The following NIPSNAP2 variants were observed in gnomAD, a reference collection of about 807,000 sequenced individuals.
The protein encoded by NIPSNAP2 is nipsnap homolog 2, also known as protein NipSnap homolog 2.
Under a neutral mutation model 48.4 loss-of-function variants are expected in NIPSNAP2, and 42 were observed. The observed-to-expected ratio is 0.87, with a 90% confidence interval of 0.68 to 1.12. The LOEUF (loss-of-function observed/expected upper bound fraction) is 1.12, where lower values mean the gene tolerates loss of function less well. NIPSNAP2 is among the 50% of genes most tolerant of loss of function. NIPSNAP2 has a pLI of 0.00. For missense variants in NIPSNAP2, 314 were observed against 347.3 expected (o/e 0.90, Z 0.76); for synonymous variants, 158 against 126.6 (o/e 1.25, Z -1.67).
At chr7:55,969,771 C>T (rs1405130191) in intron 1 of NIPSNAP2, among the ~76,000 whole-genome samples, 3 of 152,084 alleles carry the variant, frequency 2.0e-5, no homozygotes, top group South Asian at 4.1e-4. Context: ...ATCACGAGGT[C>T]AGGAGATCGA....
chr7:55,992,342 T>G (rs1348525259), intron 7 of NIPSNAP2, among the ~76,000 whole-genome samples: 2 of 152,036 alleles, frequency 1.3e-5, no homozygotes, highest in Admixed American at 6.6e-5. Context: ...AATAAAAAAT[T>G]GGCTGTGCTT....
At chr7:55,983,590 G>C in intron 5 of NIPSNAP2, 138 bp from the exon 6 acceptor site, 1 of 686,314 alleles carries the variant, frequency 1.5e-6, no homozygotes, top group Non-Finnish European at 2.4e-6. Context: ...CTCAACAGAT[G>C]TAAACTGGGA....
At chr7:55,967,404 A>G (rs1391438829) in intron 1 of NIPSNAP2, among the ~76,000 whole-genome samples, 2 of 152,182 alleles carry the variant, frequency 1.3e-5, no homozygotes, top group Non-Finnish European at 2.9e-5. Context: ...AACCCTCAGC[A>G]ATACTCGTCT....
At chr7:55,969,082 A>C (rs1157553608) in intron 1 of NIPSNAP2, among the ~76,000 whole-genome samples, 2 of 152,144 alleles carry the variant, frequency 1.3e-5, no homozygotes, top group African/African-American at 4.8e-5. Context: ...AAAAGCAAAT[A>C]TATATAGAGA....
chr7:55,986,748 C>A (rs1450136715), intron 7 of NIPSNAP2, among the ~76,000 whole-genome samples: 1 of 151,666 alleles, frequency 6.6e-6, no homozygotes, highest in African/African-American at 2.4e-5. Flanking sequence ...AAAATATTTG[C>A]AAATCATATG....
chr7:55,983,357 A>G (rs1336937371), intron 5 of NIPSNAP2, among the ~76,000 whole-genome samples: 3 of 152,248 alleles, frequency 2.0e-5, no homozygotes, highest in Admixed American at 2.0e-4. Context: ...TCTTTTGTAT[A>G]GATTCCCAGA....
chr7:55,987,456 C>T (rs547340403), intron 7 of NIPSNAP2, among the ~76,000 whole-genome samples: 6 of 152,048 alleles, frequency 3.9e-5, no homozygotes, highest in African/African-American at 7.2e-5. Context: ...GGCAAAACCC[C>T]GTCTCTACTA....
intron 1 of NIPSNAP2, among the ~76,000 whole-genome samples, chr7:55,969,058 A>G (rs28432186): frequency 5.7e-5 from 6 of 105,174 alleles, no homozygotes; most frequent in Middle Eastern, 5.2e-3. Context: ...AAAAAAAAAG[A>G]AAAAAAGAAA....
chr7:55,997,538 A>T, intron 9 of NIPSNAP2, 89 bp downstream of exon 9: 1 of 1,001,684 alleles, frequency 1.0e-6, no homozygotes, highest in Non-Finnish European at 1.6e-6. Context: ...GGGTTTTGTA[A>T]TAGTATGTTG....
At chr7:55,967,700 G>A (rs1440917824) in intron 1 of NIPSNAP2, among the ~76,000 whole-genome samples, 1 of 151,688 alleles carries the variant, frequency 6.6e-6, no homozygotes, top group African/African-American at 2.4e-5. Flanking sequence ...CCAGGCTGGA[G>A]TTCAGTGGCG....
chr7:55,967,747 C>T (rs1335611243), intron 1 of NIPSNAP2, among the ~76,000 whole-genome samples: 2 of 151,880 alleles, frequency 1.3e-5, no homozygotes, highest in African/African-American at 4.8e-5. Flanking sequence ...CTCCTGGGTT[C>T]AAGCAGTTCT....
chr7:55,992,824 A>G (rs1787478670), intron 7 of NIPSNAP2, among the ~76,000 whole-genome samples: 1 of 152,160 alleles, frequency 6.6e-6, no homozygotes, highest in African/African-American at 2.4e-5. Context: ...ATGGTGTGTC[A>G]TCTCCTGATA....
chr7:55,997,940 T>C (rs2116383573), intron 9 of NIPSNAP2, among the ~76,000 whole-genome samples: 1 of 152,310 alleles, frequency 6.6e-6, no homozygotes, highest in South Asian at 2.1e-4. Flanking sequence ...GAAACCCTGT[T>C]TGCTTGATTT....
chr7:55,999,081 A>G lies in NIPSNAP2; in HGVS notation c.*9A>G. 1.9e-6 allele frequency: 3 copies of G among 1,601,964 alleles called. No homozygotes were observed. The highest frequency in any genetic ancestry group is 2.6e-6 in the Non-Finnish European group (3 of 1,169,294). On this transcript the variant is annotated 3_prime_UTR_variant, in exon 10 of 10. Transcript: ENST00000322090. ...CCTCGCCCCTCCAGTAAAGCTGTAG[A>G]GTTTCTATGTGCCTACATACATTTC...
At chr7:55,991,961 A>G in intron 7 of NIPSNAP2, 1 of 170,570 alleles carries the variant, frequency 5.9e-6, no homozygotes, top group South Asian at 1.2e-4. Context: ...AATATTTATC[A>G]CTATCAATGA....
At chr7:55,974,847 T>TAA (rs11391060) in intron 1 of NIPSNAP2, among the ~76,000 whole-genome samples, 2,068 of 112,174 alleles carry the variant, frequency 0.018, 38 homozygotes, top group African/African-American at 0.046. Flanking sequence ...GACTCTGTCT[T>TAA]AAAAAAAAAA....
chr7:55,978,292 A>T, intron 2 of NIPSNAP2, 27 bp downstream of exon 2: 1 of 1,613,290 alleles, frequency 6.2e-7, no homozygotes, highest in Non-Finnish European at 8.5e-7. Context: ...CTATCTTCAT[A>T]GTTGACTTTT....
rs1346222385 is a variant in NIPSNAP2 at position 55,982,292 on chromosome 7, G to T, written c.444+12G>T. 6.6e-7 allele frequency: 1 copy of T among 1,515,708 alleles called. No homozygotes were observed. The allele number at this position is 1,515,708 out of a possible 1,614,324, so 93.9% of individuals were successfully genotyped here. A position where few individuals can be genotyped will look rare whatever the true frequency, so the allele number is the denominator to read the frequency against. ...TCAGAGAAAATAAGGTAATGATATT[G>T]AAAAATGTTTACTTAGACTAATGAT... On this transcript the variant is annotated intron_variant, in intron 5 of 9. Transcript: ENST00000322090.
chr7:55,986,346 G>T (rs2116360626), intron 7 of NIPSNAP2, among the ~76,000 whole-genome samples: 1 of 152,046 alleles, frequency 6.6e-6, no homozygotes. Context: ...GCCTGGGAGA[G>T]AATAAGACCC....
Sources: gnomAD v4.1 joint callset for allele counts (sites outside exome capture counted in the v4.1 genomes callset) on GRCh38, gnomAD v4.1.1 for gene constraint, MANE v1.5 for transcripts, NCBI Gene and HGNC (gene_info 2026-07-23, HGNC 2026-07-21) for gene names.